The following ZNF385B variants were observed in gnomAD, a reference collection of about 807,000 sequenced individuals.
ZNF385B encodes zinc finger protein 533.
In ZNF385B, 23 loss-of-function variants were observed where a neutral mutation model predicts 39.2. That is an observed-to-expected ratio of 0.59 (90% CI 0.42 to 0.83). The LOEUF (loss-of-function observed/expected upper bound fraction) is 0.83, where lower values mean the gene tolerates loss of function less well. ZNF385B is among the 40% of genes least tolerant of loss of function. ZNF385B has a pLI of 0.00. For synonymous variants in ZNF385B, 205 were observed against 222.6 expected, an observed-to-expected ratio of 0.92 and a Z score of 0.70; for missense variants, 552 against 598.9, an observed-to-expected ratio of 0.92 and a Z score of 0.82.
intron 3 of ZNF385B, among the ~76,000 whole-genome samples, chr2:179,736,879 A>G (rs1469014910): frequency 6.6e-6 from 1 of 152,210 alleles, no homozygotes; most frequent in African/African-American, 2.4e-5. Flanking sequence ...CTGAGGCAGG[A>G]GAATCACTTG....
intron 4 of ZNF385B, among the ~76,000 whole-genome samples, chr2:179,540,926 G>A (rs1032040355): frequency 6.6e-6 from 1 of 152,148 alleles, no homozygotes; most frequent in African/African-American, 2.4e-5. Context: ...TTGAAGGTGG[G>A]GTAGCAATGG....
At chr2:179,602,099 A>G (rs566754604) in intron 3 of ZNF385B, among the ~76,000 whole-genome samples, 2 of 152,334 alleles carry the variant, frequency 1.3e-5, no homozygotes, top group Non-Finnish European at 2.9e-5. Flanking sequence ...AGAAAAATAT[A>G]AACATAGTAT....
intron 3 of ZNF385B, among the ~76,000 whole-genome samples, chr2:179,586,619 G>T (rs997919769): frequency 5.9e-5 from 9 of 152,186 alleles, no homozygotes; most frequent in African/African-American, 1.7e-4. Context: ...GGCACCCAGG[G>T]CCCAGCTCTG....
chr2:179,668,561 G>T (rs569810031), intron 3 of ZNF385B, among the ~76,000 whole-genome samples: 1 of 150,138 alleles, frequency 6.7e-6, no homozygotes, highest in African/African-American at 2.4e-5. Flanking sequence ...ATAAAGATTT[G>T]GTTAAAGTGT....
At chr2:179,451,188 C>G (rs2050107166) in intron 6 of ZNF385B, among the ~76,000 whole-genome samples, 1 of 147,490 alleles carries the variant, frequency 6.8e-6, no homozygotes, top group Non-Finnish European at 1.5e-5. Flanking sequence ...CAACATGGCA[C>G]ATGTATACAT....
chr2:179,683,447 G>A (rs932151525), intron 3 of ZNF385B, among the ~76,000 whole-genome samples: 2 of 151,508 alleles, frequency 1.3e-5, no homozygotes, highest in Non-Finnish European at 2.9e-5. Context: ...CAGTAGGACC[G>A]TTGTTGTGGT....
chr2:179,501,383 A>G (rs969590809), intron 5 of ZNF385B, among the ~76,000 whole-genome samples: 5 of 152,200 alleles, frequency 3.3e-5, no homozygotes, highest in Non-Finnish European at 4.4e-5. Flanking sequence ...TGTGGGATGT[A>G]TACAGAATGG....
At chr2:179,677,848 G>A (rs1253861024) in intron 3 of ZNF385B, among the ~76,000 whole-genome samples, 1 of 152,066 alleles carries the variant, frequency 6.6e-6, no homozygotes. Context: ...TTTTTTTACA[G>A]AATTGTGTTA....
intron 3 of ZNF385B, among the ~76,000 whole-genome samples, chr2:179,606,379 A>G (rs556645019): frequency 6.6e-6 from 1 of 152,194 alleles, no homozygotes; most frequent in Non-Finnish European, 1.5e-5. Context: ...TCACAAGTAC[A>G]AGGAAGTTAC....
chr2:179,589,082 A>C (rs988210138), intron 3 of ZNF385B, among the ~76,000 whole-genome samples: 5 of 152,140 alleles, frequency 3.3e-5, no homozygotes, highest in African/African-American at 1.2e-4. Context: ...CTGGTACCCC[A>C]TATCTTTTCA....
rs1574156756 is a variant in ZNF385B, at chr2:179,445,558, G to A, written c.1132C>T (p.Leu378Phe). 6.2e-7 allele frequency: 1 copy of A among 1,611,030 alleles called. No individual in the cohort carries two copies. Among genetic ancestry groups the A allele is most frequent in the South Asian group, 1.1e-5 (1 of 90,340 alleles). Residue 378 changes from leucine (L) to phenylalanine (F), a missense_variant, in exon 8 of 10, where the codon CTC becomes TTC. Coordinates refer to ENST00000410066, the MANE Select transcript of ZNF385B (RefSeq NM_152520.6). ...CDVHVNSEIQ[L>F]KQHISSRRHK... is the part of the protein sequence containing the mutation. ...AATTCAGGATACGTTACCTGTTTGA[G>A]TTGAATTTCTGAATTAACATGAACA... is the stretch of plus-strand genomic sequence containing the variant.
At chr2:179,449,039 G>T (rs964829557) in intron 6 of ZNF385B, among the ~76,000 whole-genome samples, 16 of 152,010 alleles carry the variant, frequency 1.1e-4, no homozygotes, top group Non-Finnish European at 2.1e-4. Context: ...TTTCAAAGGG[G>T]TAATTTATGA....
chr2:179,450,266 C>G (rs1376094813), intron 6 of ZNF385B, among the ~76,000 whole-genome samples: 12 of 152,268 alleles, frequency 7.9e-5, no homozygotes, highest in Admixed American at 3.3e-4. Context: ...TCTAATTAAA[C>G]TCAAGAGCTT....
chr2:179,819,317 C>T (rs538297183), intron 1 of ZNF385B, among the ~76,000 whole-genome samples: 1 of 152,214 alleles, frequency 6.6e-6, no homozygotes, highest in African/African-American at 2.4e-5. Context: ...GGTGGCTCCA[C>T]TTCCGAGCCA....
intron 3 of ZNF385B, among the ~76,000 whole-genome samples, chr2:179,546,365 A>G (rs1273671365): frequency 6.6e-6 from 1 of 151,932 alleles, no homozygotes; most frequent in Non-Finnish European, 1.5e-5. Context: ...CCTATTAACC[A>G]TTCTCACTCC....
chr2:179,479,270 T>C (rs1447312648), intron 6 of ZNF385B, among the ~76,000 whole-genome samples: 1 of 152,206 alleles, frequency 6.6e-6, no homozygotes, highest in Non-Finnish European at 1.5e-5. Context: ...CATGCTATTA[T>C]AGTTTAAACC....
intron 5 of ZNF385B, among the ~76,000 whole-genome samples, chr2:179,501,074 T>G (rs1031539770): frequency 3.3e-5 from 5 of 152,116 alleles, no homozygotes; most frequent in African/African-American, 1.2e-4. Flanking sequence ...ATGGCTTATA[T>G]CCAAAAGACA....
intron 4 of ZNF385B, among the ~76,000 whole-genome samples, chr2:179,528,019 A>G (rs941648334): frequency 5.9e-5 from 9 of 152,198 alleles, no homozygotes; most frequent in Non-Finnish European, 1.0e-4. Flanking sequence ...TGTTGCCTTG[A>G]TACCCACTGT....
At chr2:179,689,713 A>G (rs143161275) in intron 3 of ZNF385B, among the ~76,000 whole-genome samples, 2,809 of 151,804 alleles carry the variant, frequency 0.019, 44 homozygotes, top group Admixed American at 0.035. Flanking sequence ...CTGGTTTCTC[A>G]TTGAGTTCCA....
Sources: gnomAD v4.1 joint callset for allele counts (sites outside exome capture counted in the v4.1 genomes callset) on GRCh38, gnomAD v4.1.1 for gene constraint, MANE v1.5 for transcripts, NCBI Gene and HGNC (gene_info 2026-07-23, HGNC 2026-07-21) for gene names.